Variants in SCN9A observed in about 807,000 individuals in gnomAD.
The protein encoded by SCN9A is sodium channel protein type 9 subunit alpha.
In SCN9A, 131 loss-of-function variants were observed where a neutral mutation model predicts 187.0. That is an observed-to-expected ratio of 0.70 (90% confidence interval 0.61 to 0.81). The LOEUF (loss-of-function observed/expected upper bound fraction) is 0.81. SCN9A is among the 30% of genes least tolerant of loss of function. The pLI, the probability that SCN9A is intolerant of heterozygous loss-of-function variation, is 0.00. For synonymous variants in SCN9A, 809 were observed against 808.6 expected, an observed-to-expected ratio of 1.00 and a Z score of -0.01; for missense variants, 2,252 against 2,396.6, an observed-to-expected ratio of 0.94 and a Z score of 1.26.
chr2:166,360,351 T>C (rs929166841), intron 1 of SCN9A, among the ~76,000 whole-genome samples: 3 of 151,652 alleles, frequency 2.0e-5, no homozygotes, highest in South Asian at 4.2e-4. Flanking sequence ...AAAAAATTCA[T>C]AAAGTCTTAT....
At chr2:166,209,200 C>A (rs1693961293) in intron 24 of SCN9A, among the ~76,000 whole-genome samples, 1 of 152,172 alleles carries the variant, frequency 6.6e-6, no homozygotes, top group Non-Finnish European at 1.5e-5. Context: ...TCCTTTGTGA[C>A]ATTGTGTCGG....
intron 1 of SCN9A, among the ~76,000 whole-genome samples, chr2:166,345,808 T>C (rs964664356): frequency 3.9e-5 from 6 of 152,142 alleles, no homozygotes; most frequent in Admixed American, 3.9e-4. Flanking sequence ...GGGCCTATGC[T>C]ATATCTTTTT....
intron 1 of SCN9A, among the ~76,000 whole-genome samples, chr2:166,329,043 C>A (rs975483893): frequency 6.6e-6 from 1 of 151,958 alleles, no homozygotes; most frequent in Non-Finnish European, 1.5e-5. Context: ...ACAAAAGTAG[C>A]CTTATTTTGA....
intron 1 of SCN9A, among the ~76,000 whole-genome samples, chr2:166,313,395 G>C (rs1430121275): frequency 6.6e-6 from 1 of 152,102 alleles, no homozygotes; most frequent in African/African-American, 2.4e-5. Flanking sequence ...TCTTATCAAT[G>C]ATCTTAGCTA....
intron 17 of SCN9A, among the ~76,000 whole-genome samples, chr2:166,265,960 T>G (rs1394648888): frequency 6.6e-6 from 1 of 152,020 alleles, no homozygotes; most frequent in Middle Eastern, 3.2e-3. Flanking sequence ...TTTTAGATAT[T>G]AACCCATTAT....
chr2:166,338,942 G>GA (rs138915544), intron 1 of SCN9A, among the ~76,000 whole-genome samples: 23,634 of 151,686 alleles, frequency 0.16, 1,854 homozygotes, highest in Admixed American at 0.19. Context: ...GGCCAGTATA[G>GA]AAAAAAAAGA....
At chr2:166,230,437 T>C (rs1695034102) in intron 21 of SCN9A, among the ~76,000 whole-genome samples, 1 of 152,180 alleles carries the variant, frequency 6.6e-6, no homozygotes, top group Non-Finnish European at 1.5e-5. Context: ...GCCTACCTTT[T>C]CATGCTCATT....
intron 9 of SCN9A, among the ~76,000 whole-genome samples, chr2:166,291,630 A>C (rs1698075030): frequency 6.6e-6 from 1 of 152,194 alleles, no homozygotes; most frequent in Non-Finnish European, 1.5e-5. Flanking sequence ...TCTAAGCAAA[A>C]AGAACAAAGC....
chr2:166,311,745 C>A lies in SCN9A; in HGVS notation c.12G>T (p.Leu4Phe), dbSNP rs1413327507. 6.2e-7 allele frequency: 1 copy of A among 1,601,140 alleles called. No individual in the cohort carries two copies. Residue 4 changes from leucine (L) to phenylalanine (F), a missense_variant, in exon 2 of 27, where the codon TTG (leucine) becomes TTT (phenylalanine). By Grantham distance (22) the Leu-to-Phe change is conservative. Transcript: ENST00000642356. MAM[L>F]PPPGPQSFVH... is the part of the protein sequence containing the mutation. ...CAAAGCTCTGAGGTCCTGGGGGAGG[C>A]AACATTGCCATCTTTTCATCCTGTA... is the stretch of plus-strand genomic sequence containing the variant.
intron 17 of SCN9A, among the ~76,000 whole-genome samples, chr2:166,269,393 C>A (rs1696878572): frequency 6.6e-6 from 1 of 151,936 alleles, no homozygotes; most frequent in Admixed American, 6.6e-5. Flanking sequence ...TGGCTTTATA[C>A]CCCAGGGGAG....
At chr2:166,374,257 A>T (rs769296900) in intron 1 of SCN9A, among the ~76,000 whole-genome samples, 7 of 152,238 alleles carry the variant, frequency 4.6e-5, no homozygotes, top group African/African-American at 7.2e-5. Flanking sequence ...GAGTCCCACA[A>T]CTGCACAGTG....
chr2:166,363,223 T>C (rs1452165730), intron 1 of SCN9A, among the ~76,000 whole-genome samples: 1 of 152,048 alleles, frequency 6.6e-6, no homozygotes, highest in Non-Finnish European at 1.5e-5. Flanking sequence ...TCTAAGATTC[T>C]AAATAGTAGA....
At chr2:166,281,604 T>C (rs1390452572) in intron 13 of SCN9A, 75 bp downstream of exon 13, 1 of 1,355,280 alleles carries the variant, frequency 7.4e-7, no homozygotes, top group African/African-American at 1.5e-5. Flanking sequence ...GAATTTCATG[T>C]GCCTATTTAA....
In SCN9A at chr2:166,238,196, G is replaced by A. The variant is rs202096320; in HGVS notation, c.3699C>T (p.Phe1233=). 4 of 1,605,532 alleles carry A rather than the reference G, an allele frequency of 2.5e-6. No homozygotes were observed. The highest frequency in any genetic ancestry group is 8.5e-7 in the Non-Finnish European group (1 of 1,173,808). Residue 1233 remains phenylalanine (F), a synonymous_variant, in exon 20 of 27, where the codon TTC becomes TTT. Transcript: ENST00000642356. ...GCATTTCCAGAATGAAGATGTAAGT[G>A]AAGATCTTGTCTGCATACTCCAGGA... ...KIILEYADKI[F]TYIFILEMLL...
chr2:166,286,691 C>T (rs1348273604), intron 10 of SCN9A, 68 bp from the exon 11 acceptor site: 1 of 1,245,066 alleles, frequency 8.0e-7, no homozygotes, highest in Non-Finnish European at 1.1e-6. Flanking sequence ...TAGGACAGGA[C>T]ATCTTTCACC....
chr2:166,276,216 T>G (rs1697228523), intron 16 of SCN9A, among the ~76,000 whole-genome samples: 1 of 152,150 alleles, frequency 6.6e-6, no homozygotes, highest in South Asian at 2.1e-4. Context: ...GTAGGCAGAT[T>G]GCTATGTCCA....
At chr2:166,324,003 C>G (rs973298417) in intron 1 of SCN9A, among the ~76,000 whole-genome samples, 15 of 150,484 alleles carry the variant, frequency 1.0e-4, no homozygotes, top group African/African-American at 3.4e-4. Flanking sequence ...TACACGCTCA[C>G]AACTCTATAT....
intron 1 of SCN9A, among the ~76,000 whole-genome samples, chr2:166,370,112 A>G (rs541594525): frequency 8.3e-4 from 126 of 151,708 alleles, no homozygotes; most frequent in Non-Finnish European, 1.6e-3. Flanking sequence ...AAATAATTAC[A>G]TTGGATTTAA....
In SCN9A at chr2:166,201,786, G is replaced by C. The variant is rs965427648; in HGVS notation, c.4775-1922C>G. On this transcript the variant is annotated intron_variant, in intron 26 of 26. Coordinates refer to ENST00000642356, the MANE Select transcript of SCN9A (RefSeq NM_001365536.1). ...GTACTAATTAACATTTCTAATGGCA[G>C]TATATGATAGTGCTCATACTTTACA... is the stretch of plus-strand genomic sequence containing the variant. 5.3e-5 allele frequency among the ~76,000 whole-genome samples: 8 copies of C among 151,412 alleles called. No homozygotes were observed. In the South Asian group the frequency reaches 1.0e-3, roughly 20 times the overall value.
Sources: allele counts gnomAD v4.1 joint callset (sites outside exome capture counted in the v4.1 genomes callset), GRCh38; gene constraint gnomAD v4.1.1; transcripts MANE v1.5; gene names NCBI Gene and HGNC (gene_info 2026-07-23, HGNC 2026-07-21).